SDK1: variants seen among roughly 807,000 people sequenced by gnomAD.
The protein encoded by SDK1 is sidekick cell adhesion molecule 1, also known as protein sidekick-1.
Under a neutral mutation model 245.5 loss-of-function variants are expected in SDK1, and 157 were observed. The observed-to-expected ratio is 0.64, with a 90% CI of 0.56 to 0.73. The LOEUF (loss-of-function observed/expected upper bound fraction) is 0.73, where lower values mean the gene tolerates loss of function less well. Among genes scored for constraint, SDK1 ranks in the 30% least tolerant of loss-of-function variants. The pLI is 0.00. For synonymous variants in SDK1, 1,647 were observed against 1,278.5 expected, an observed-to-expected ratio of 1.29 and a Z score of -6.15; for missense variants, 3,583 against 3,002.3, an observed-to-expected ratio of 1.19 and a Z score of -4.52.
At chr7:3,727,335 G>C (rs6943617) in intron 4 of SDK1, among the ~76,000 whole-genome samples, 1,991 of 152,196 alleles carry the variant, frequency 0.013, 41 homozygotes, top group African/African-American at 0.046. Context: ...ATAGGAAGTG[G>C]TTTCATTCCA....
intron 1 of SDK1, among the ~76,000 whole-genome samples, chr7:3,539,906 C>T (rs998272075): frequency 6.6e-6 from 1 of 152,202 alleles, no homozygotes; most frequent in African/African-American, 2.4e-5. Context: ...GCACATGCCT[C>T]ATCTGATGGG....
intron 4 of SDK1, among the ~76,000 whole-genome samples, chr7:3,737,806 C>G (rs79459795): frequency 9.8e-5 from 15 of 152,350 alleles, no homozygotes; most frequent in African/African-American, 3.6e-4. Context: ...CTTAGGCTCT[C>G]TTTTTCCCTA....
chr7:3,816,028 A>C (rs977866052), intron 4 of SDK1, among the ~76,000 whole-genome samples: 1 of 143,352 alleles, frequency 7.0e-6, no homozygotes, highest in African/African-American at 2.8e-5. Flanking sequence ...GCAGAAATAA[A>C]GATGTTCTTT....
At chr7:3,337,694 AG>A (rs1257070971) in intron 1 of SDK1, among the ~76,000 whole-genome samples, 1 of 152,220 alleles carries the variant, frequency 6.6e-6, no homozygotes, top group Non-Finnish European at 1.5e-5. Flanking sequence ...AAATGAGAGG[AG>A]CCTTCTCATC....
intron 1 of SDK1, among the ~76,000 whole-genome samples, chr7:3,402,761 T>C (rs2128573895): frequency 6.6e-6 from 1 of 152,316 alleles, no homozygotes; most frequent in Non-Finnish European, 1.5e-5. Flanking sequence ...AGTTGCAATA[T>C]TTTTGAGTCT....
At chr7:3,528,115 T>C (rs1331518356) in intron 1 of SDK1, among the ~76,000 whole-genome samples, 1 of 143,152 alleles carries the variant, frequency 7.0e-6, no homozygotes, top group African/African-American at 2.6e-5. Flanking sequence ...TAAGGTTGGA[T>C]CATAGCCAGC....
intron 4 of SDK1, among the ~76,000 whole-genome samples, chr7:3,797,111 A>G (rs914107168): frequency 6.6e-6 from 1 of 151,238 alleles, no homozygotes; most frequent in African/African-American, 2.4e-5. Context: ...GCCTCAAGTG[A>G]TCCTACTGCC....
chr7:4,221,482 C>T, intron 40 of SDK1, 118 bp downstream of exon 40: 1 of 1,307,096 alleles, frequency 7.7e-7, no homozygotes, highest in Non-Finnish European at 1.0e-6. Context: ...AAAGCTGGGA[C>T]CAAGAGGGCG....
In SDK1 at chr7:3,818,597, C is replaced by T. The variant is rs556058523; in HGVS notation, c.714-2853C>T. ...TCCAAAAAAGATGTCATCGCATGTG[C>T]TGTTGTGAATCTGTATTGGAGTGTT... On this transcript the variant is annotated intron_variant, in intron 4 of 44. Coordinates refer to ENST00000404826, the MANE Select transcript of SDK1 (RefSeq NM_152744.4). 2.6e-5 allele frequency among the ~76,000 whole-genome samples: 4 copies of T among 152,294 alleles called. No homozygotes were observed. In the South Asian group the frequency reaches 8.3e-4, roughly 32 times the overall value.
intron 17 of SDK1, among the ~76,000 whole-genome samples, chr7:4,037,181 T>G (rs1788283714): frequency 6.6e-6 from 1 of 152,226 alleles, no homozygotes; most frequent in Non-Finnish European, 1.5e-5. Context: ...TAATATTGTT[T>G]GAAGATGCAT....
chr7:3,454,388 TTGTGTGTGTGTGTGTGTG>T (rs60437983), intron 1 of SDK1, among the ~76,000 whole-genome samples: 1 of 141,686 alleles, frequency 7.1e-6, no homozygotes, highest in African/African-American at 2.6e-5. Context: ...TCCCCAAGAT[TTGTGTGTGTGTGTGTGTG>T]TGTGTGTGTG....
chr7:3,531,512 C>G (rs1783342699), intron 1 of SDK1, among the ~76,000 whole-genome samples: 2 of 152,130 alleles, frequency 1.3e-5, no homozygotes, highest in African/African-American at 4.8e-5. Context: ...CCGAGTCCAG[C>G]CCAGTAGAGA....
intron 1 of SDK1, among the ~76,000 whole-genome samples, chr7:3,529,184 A>ATG (rs35008921): frequency 0.017 from 2,559 of 152,286 alleles, 44 homozygotes; most frequent in Non-Finnish European, 0.021. Context: ...TTTTGGAAAC[A>ATG]TGTATATATA....
At chr7:4,098,441 T>C (rs1295485881) in intron 22 of SDK1, among the ~76,000 whole-genome samples, 1 of 152,158 alleles carries the variant, frequency 6.6e-6, no homozygotes, top group Non-Finnish European at 1.5e-5. Flanking sequence ...GATTTGCCTG[T>C]GTGTTTCATT....
At chr7:4,099,367 G>A (rs1332165837) in intron 22 of SDK1, among the ~76,000 whole-genome samples, 1 of 147,728 alleles carries the variant, frequency 6.8e-6, no homozygotes, top group Admixed American at 6.9e-5. Context: ...CACCGGGTGG[G>A]TCAGGAGGCA....
At chr7:3,587,797 A>C (rs919625859) in intron 1 of SDK1, among the ~76,000 whole-genome samples, 1 of 152,238 alleles carries the variant, frequency 6.6e-6, no homozygotes, top group African/African-American at 2.4e-5. Flanking sequence ...AGTGTTATCT[A>C]GCTTTCCATG....
intron 5 of SDK1, among the ~76,000 whole-genome samples, chr7:3,910,497 G>A (rs1173091637): frequency 6.6e-6 from 1 of 152,166 alleles, no homozygotes. Flanking sequence ...AGGTGCCTGA[G>A]CTTTCGGAGG....
At chr7:3,916,329 A>G (rs551516103) in intron 5 of SDK1, among the ~76,000 whole-genome samples, 1 of 152,356 alleles carries the variant, frequency 6.6e-6, no homozygotes, top group Admixed American at 6.5e-5. Flanking sequence ...AACATGTGAC[A>G]TCATAGCTGT....
At chr7:3,483,585 G>A (rs138244652) in intron 1 of SDK1, among the ~76,000 whole-genome samples, 2 of 152,118 alleles carry the variant, frequency 1.3e-5, no homozygotes, top group Non-Finnish European at 2.9e-5. Context: ...TACAATGCGG[G>A]ATTTTAACAA....
Sources: allele counts gnomAD v4.1 joint callset (sites outside exome capture counted in the v4.1 genomes callset), GRCh38; gene constraint gnomAD v4.1.1; transcripts MANE v1.5; gene names NCBI Gene and HGNC (gene_info 2026-07-23, HGNC 2026-07-21).